ZNF804B: variants seen among roughly 807,000 people sequenced by gnomAD.
The protein encoded by ZNF804B is zinc finger 804B.
Under a neutral mutation model 101.4 loss-of-function variants are expected in ZNF804B, and 80 were observed. The observed-to-expected ratio is 0.79, with a 90% CI of 0.66 to 0.95. The LOEUF (loss-of-function observed/expected upper bound fraction) is 0.95. Ranked by LOEUF, ZNF804B falls within the 40% of genes least tolerant of loss-of-function variation. The pLI, the probability that ZNF804B is intolerant of heterozygous loss-of-function variation, is 0.00. For missense variants in ZNF804B, 1,673 were observed against 1,561.9 expected, an observed-to-expected ratio of 1.07 and a Z score of -1.20; for synonymous variants, 622 against 558.8, an observed-to-expected ratio of 1.11 and a Z score of -1.59.
At chr7:89,211,219 G>A (rs1402341436) in intron 1 of ZNF804B, among the ~76,000 whole-genome samples, 2 of 150,796 alleles carry the variant, frequency 1.3e-5, no homozygotes, top group Non-Finnish European at 2.9e-5. Context: ...ATTCGTTTAA[G>A]TTATTTGTAG....
intron 1 of ZNF804B, among the ~76,000 whole-genome samples, chr7:88,783,247 G>C (rs1790255921): frequency 6.6e-6 from 1 of 152,242 alleles, no homozygotes; most frequent in South Asian, 2.1e-4. Context: ...TGTGCTTTGT[G>C]AGATTGTAGA....
At chr7:88,886,939 C>A (rs1424077879) in intron 1 of ZNF804B, among the ~76,000 whole-genome samples, 1 of 151,268 alleles carries the variant, frequency 6.6e-6, no homozygotes, top group African/African-American at 2.4e-5. Flanking sequence ...CATAAATTCT[C>A]TAATAGAAAA....
chr7:89,116,768 T>G (rs541953441), intron 1 of ZNF804B, among the ~76,000 whole-genome samples: 5 of 152,326 alleles, frequency 3.3e-5, no homozygotes, highest in Middle Eastern at 3.4e-3. Flanking sequence ...TATTGAGAGA[T>G]ATTTTTTACA....
intron 1 of ZNF804B, among the ~76,000 whole-genome samples, chr7:88,915,514 A>C (rs1792618502): frequency 6.6e-6 from 1 of 152,018 alleles, no homozygotes; most frequent in Non-Finnish European, 1.5e-5. Context: ...TAAATAGATG[A>C]AAATTAATGG....
intron 1 of ZNF804B, among the ~76,000 whole-genome samples, chr7:88,781,168 G>A (rs1264487374): frequency 6.6e-6 from 1 of 152,182 alleles, no homozygotes; most frequent in Non-Finnish European, 1.5e-5. Flanking sequence ...AATTGAAAGA[G>A]TGGAGTAATT....
chr7:89,074,080 A>G (rs537302218), intron 1 of ZNF804B, among the ~76,000 whole-genome samples: 92 of 152,182 alleles, frequency 6.0e-4, no homozygotes, highest in Non-Finnish European at 1.2e-3. Flanking sequence ...AAGGTAAAGT[A>G]CTGATGATAT....
At chr7:89,106,284 G>A (rs1790135548) in intron 1 of ZNF804B, among the ~76,000 whole-genome samples, 4 of 152,110 alleles carry the variant, frequency 2.6e-5, no homozygotes, top group Admixed American at 2.0e-4. Context: ...GTCAACATGT[G>A]CTAAAAGCAT....
Position 89,333,741 on chromosome 7 carries a change from T to G in ZNF804B, c.759T>G (p.Ile253Met), listed in dbSNP as rs1289711618. The G allele has an allele frequency of 3.7e-6, 6 of 1,613,506 alleles. No homozygotes were observed. The highest frequency in any genetic ancestry group is 5.1e-6 in the Non-Finnish European group (6 of 1,179,748). ...CCCATGATTGTAACAAGTCACCCAT[T>G]TATAAAACAAAACAAACTGCAGATA... ...EETHDCNKSPIYKTKQTADKC... is the reference protein window; with the variant it reads ...EETHDCNKSPMYKTKQTADKC... The change falls in exon 4 of 4, where the codon ATT becomes ATG. Residue 253 changes from isoleucine to methionine, a missense_variant. Physicochemically the swap from Ile to Met is conservative, Grantham distance 10 (BLOSUM62 1). Coordinates refer to ENST00000333190, the MANE Select transcript of ZNF804B (RefSeq NM_181646.5).
At position 89,128,788 on chromosome 7, in the gene ZNF804B, T is replaced by C. The variant is rs1790507281; in HGVS notation, c.109-89367T>C. ...TCTTTGCATTTCATTAAAAATCAAA[T>C]ACTCTTTTTATTCTGTAAATGACAG... On this transcript the variant is annotated intron_variant, in intron 1 of 3. Transcript: ENST00000333190. 2.0e-5 allele frequency among the ~76,000 whole-genome samples: 3 copies of C among 152,206 alleles called. No homozygotes were observed. In the South Asian group the frequency reaches 6.2e-4, roughly 32 times the overall value.
At chr7:88,849,726 A>C (rs1562811133) in intron 1 of ZNF804B, among the ~76,000 whole-genome samples, 1 of 151,358 alleles carries the variant, frequency 6.6e-6, no homozygotes, top group Non-Finnish European at 1.5e-5. Context: ...TTAAATTTAA[A>C]TTTTCTTAAA....
At chr7:89,242,811 T>G (rs978822442) in intron 2 of ZNF804B, among the ~76,000 whole-genome samples, 1 of 151,892 alleles carries the variant, frequency 6.6e-6, no homozygotes, top group Non-Finnish European at 1.5e-5. Flanking sequence ...AATGTATTGA[T>G]CTTCTAAATG....
intron 1 of ZNF804B, among the ~76,000 whole-genome samples, chr7:89,197,105 C>G (rs1452746134): frequency 6.6e-6 from 1 of 151,952 alleles, no homozygotes; most frequent in South Asian, 2.1e-4. Flanking sequence ...ACCCAGCAAT[C>G]TTAATACCTA....
intron 2 of ZNF804B, among the ~76,000 whole-genome samples, chr7:89,326,036 G>A (rs554280316): frequency 1.3e-5 from 2 of 152,012 alleles, no homozygotes; most frequent in East Asian, 1.9e-4. Flanking sequence ...GGCTATCCAC[G>A]CTTTAATGCT....
chr7:89,092,981 A>G (rs1789918312), intron 1 of ZNF804B, among the ~76,000 whole-genome samples: 1 of 152,194 alleles, frequency 6.6e-6, no homozygotes, highest in Non-Finnish European at 1.5e-5. Context: ...TTATGTATAT[A>G]CTAAATCATA....
intron 1 of ZNF804B, among the ~76,000 whole-genome samples, chr7:89,057,146 G>C (rs527475704): frequency 2.6e-4 from 40 of 152,200 alleles, no homozygotes; most frequent in African/African-American, 8.9e-4. Context: ...TAAAGTCAGA[G>C]ATCCTGTCTA....
chr7:88,773,670 G>A (rs142255821), intron 1 of ZNF804B, among the ~76,000 whole-genome samples: 5 of 152,174 alleles, frequency 3.3e-5, no homozygotes, highest in Admixed American at 6.5e-5. Context: ...ATTGGCTCAC[G>A]GTTCTGCAGG....
chr7:88,987,391 T>C (rs2116145648), intron 1 of ZNF804B, among the ~76,000 whole-genome samples: 1 of 152,250 alleles, frequency 6.6e-6, no homozygotes, highest in Non-Finnish European at 1.5e-5. Flanking sequence ...GATAGGAACA[T>C]AATAAACATT....
At position 89,334,533 on chromosome 7, in the gene ZNF804B, A is replaced by T. The variant is rs753348705; in HGVS notation, c.1551A>T (p.Ser517=). Residue 517 remains serine, a synonymous_variant, in exon 4 of 4, where the codon TCA becomes TCT. Coordinates refer to ENST00000333190, the MANE Select transcript of ZNF804B (RefSeq NM_181646.5). ...AGACTAAAAGAGAGAGCCAAGTCTC[A>T]GGTTTAACTGAAGACCAACAAAAAT... The part of the protein sequence containing the change: ...ELKTKRESQV[S]GLTEDQQKLI... 6.2e-7 allele frequency: 1 copy of T among 1,613,536 alleles called. No individual in the cohort carries two copies. The highest frequency in any genetic ancestry group is 1.3e-5 in the African/African-American group (1 of 74,860).
chr7:89,117,224 C>T (rs1790324701), intron 1 of ZNF804B, among the ~76,000 whole-genome samples: 1 of 152,086 alleles, frequency 6.6e-6, no homozygotes, highest in Non-Finnish European at 1.5e-5. Flanking sequence ...GACTTCTGGC[C>T]TCCAGAAATA....
Sources: allele counts gnomAD v4.1 joint callset (sites outside exome capture counted in the v4.1 genomes callset), GRCh38; gene constraint gnomAD v4.1.1; transcripts MANE v1.5; gene names NCBI Gene and HGNC (gene_info 2026-07-23, HGNC 2026-07-21).